PLCG2: variants seen among roughly 807,000 people sequenced by gnomAD.
PLCG2 encodes phospholipase C gamma 2.
Under a neutral mutation model 175.6 loss-of-function variants are expected in PLCG2, and 69 were observed. The ratio of observed to expected loss-of-function variants is 0.39; its 90% CI spans 0.32 to 0.48. The LOEUF (loss-of-function observed/expected upper bound fraction) is 0.48. Ranked by LOEUF, PLCG2 falls within the 20% of genes least tolerant of loss-of-function variation. The probability of loss-of-function intolerance (pLI) is 0.91; values close to 1 mark genes in which losing one functional copy is unlikely to be tolerated. For missense variants in PLCG2, 1,798 were observed against 1,650.9 expected, an observed-to-expected ratio of 1.09 and a Z score of -1.54; for synonymous variants, 827 against 624.0, an observed-to-expected ratio of 1.33 and a Z score of -4.85.
rs564359315 is a variant in PLCG2 at position 81,870,172 on chromosome 16, T to C, written c.565-680T>C. On this transcript the variant is annotated intron_variant, in intron 6 of 32. Transcript: ENST00000564138. ...GAAGAGGAGAGAGATGGGAGAAGCA[T>C]TTACCATTGATTGCTACACAGTTGC... Among the ~76,000 whole-genome samples the C allele has an allele frequency of 2.0e-5, 3 of 152,306 alleles. No homozygotes were observed. The South Asian group carries it at 6.2e-4, about 32-fold the overall frequency.
chr16:81,740,278 C>T (rs965145632), intron 1 of PLCG2: 41 of 152,268 alleles, frequency 2.7e-4, no homozygotes, highest in African/African-American at 9.6e-4. Context: ...TTCAGTGGGG[C>T]TGTCGACCAC....
intron 2 of PLCG2, among the ~76,000 whole-genome samples, chr16:81,822,852 G>A (rs1904866418): frequency 6.6e-6 from 1 of 151,266 alleles, no homozygotes. Flanking sequence ...GGAATGATGT[G>A]CTTCAAAGGC....
At chr16:81,819,131 G>C (rs1282417435) in intron 2 of PLCG2, among the ~76,000 whole-genome samples, 1 of 152,052 alleles carries the variant, frequency 6.6e-6, no homozygotes, top group East Asian at 1.9e-4. Context: ...TGGTCGGCCT[G>C]ACTGTGGGGT....
chr16:81,808,773 G>A (rs1165581836), intron 2 of PLCG2, among the ~76,000 whole-genome samples: 1 of 152,180 alleles, frequency 6.6e-6, no homozygotes, highest in Non-Finnish European at 1.5e-5. Context: ...GATTACAGGC[G>A]TGAGCCACCT....
rs74032904 is a variant in PLCG2 at position 81,905,566 on chromosome 16, G to A, written c.1467+59G>A. On this transcript the variant is annotated intron_variant, in intron 15 of 32. Transcript: ENST00000564138. ...CCACGCCCCTTGCAGCTGCTTCTTG[G>A]AGCCCTGCTGGGAGCTCTGAGAATA... is the stretch of plus-strand genomic sequence containing the variant. The A allele has an allele frequency of 4.2e-3, 4,589 of 1,105,656 alleles. 48 individuals carry two copies. Among genetic ancestry groups the A allele is most frequent in the African/African-American group, 0.019 (1,240 of 65,548 alleles). The allele number at this position is 1,105,656 out of a possible 1,614,324, so 68.5% of individuals were successfully genotyped here. A position where few individuals can be genotyped will look rare whatever the true frequency, so the allele number is the denominator to read the frequency against.
intron 2 of PLCG2, among the ~76,000 whole-genome samples, chr16:81,836,009 A>C (rs968427349): frequency 6.6e-6 from 1 of 152,178 alleles, no homozygotes; most frequent in African/African-American, 2.4e-5. Context: ...ATTTCCAAAG[A>C]AGGCCACATT....
chr16:81,889,730 C>G (rs1005867195), intron 10 of PLCG2, among the ~76,000 whole-genome samples: 1 of 152,156 alleles, frequency 6.6e-6, no homozygotes, highest in African/African-American at 2.4e-5. Context: ...TCTCACCTCA[C>G]TGCAACCTCC....
chr16:81,907,151 C>A (rs1455591189), intron 15 of PLCG2, among the ~76,000 whole-genome samples: 1 of 150,422 alleles, frequency 6.6e-6, no homozygotes, highest in Non-Finnish European at 1.5e-5. Context: ...TAAAAAAATA[C>A]AAATAAAAAC....
intron 9 of PLCG2, 138 bp downstream of exon 9, chr16:81,883,479 C>T (rs1033229037): frequency 4.5e-6 from 3 of 662,206 alleles, no homozygotes; most frequent in African/African-American, 1.8e-5. Context: ...CACCTGTCTT[C>T]ATGGAACGAT....
At chr16:81,941,222 G>A (rs940183667) in intron 30 of PLCG2, among the ~76,000 whole-genome samples, 6 of 152,154 alleles carry the variant, frequency 3.9e-5, no homozygotes, top group African/African-American at 1.4e-4. Flanking sequence ...TGAGCAGCAG[G>A]CATGCTAGAA....
chr16:81,755,264 G>A (rs961663989), intron 1 of PLCG2, among the ~76,000 whole-genome samples: 13 of 151,884 alleles, frequency 8.6e-5, no homozygotes, highest in African/African-American at 1.9e-4. Context: ...TGCCGTCATC[G>A]TGGCTCACTG....
intron 7 of PLCG2, among the ~76,000 whole-genome samples, chr16:81,871,158 T>A (rs1172802751): frequency 6.6e-6 from 1 of 152,214 alleles, no homozygotes; most frequent in Non-Finnish European, 1.5e-5. Context: ...GGTGTTCATA[T>A]GCCTTCCTGG....
At position 81,895,508 on chromosome 16, in the gene PLCG2, C is replaced by G; in HGVS notation, c.1073-299C>G. 3 of 300,876 alleles carry G rather than the reference C, an allele frequency of 1.0e-5. No homozygotes were observed. The South Asian group carries it at 1.4e-4, about 14-fold the overall frequency. The allele number at this position is 300,876 out of a possible 1,614,324, so 18.6% of individuals were successfully genotyped here. On this transcript the variant is annotated intron_variant, in intron 12 of 32. Transcript: ENST00000564138. ...CCGGGAGGCGGAGATTGCAATGGGC[C>G]GAGATTGTGCCACTGCACTCCAGCC... is the stretch of plus-strand genomic sequence containing the variant.
At chr16:81,745,097 T>A (rs1470435436) in intron 1 of PLCG2, among the ~76,000 whole-genome samples, 1 of 152,228 alleles carries the variant, frequency 6.6e-6, no homozygotes, top group Non-Finnish European at 1.5e-5. Flanking sequence ...TGGTTGTAAA[T>A]GACCTCCAGC....
chr16:81,765,384 A>T (rs1372731391), intron 2 of PLCG2, among the ~76,000 whole-genome samples: 5 of 152,238 alleles, frequency 3.3e-5, no homozygotes, highest in Non-Finnish European at 7.3e-5. Flanking sequence ...TAATTCCAGC[A>T]CTTTGGGAGG....
rs1270500675 is a variant in PLCG2, at chr16:81,894,667, G to A, written c.1072+873G>A. 2.6e-5 allele frequency among the ~76,000 whole-genome samples: 4 copies of A among 152,134 alleles called. No individual in the cohort carries two copies. The East Asian group carries it at 5.8e-4, about 22-fold the overall frequency. The stretch of plus-strand genomic sequence containing the variant: ...GTGGGCGGATCACTTGAGATCAGGA[G>A]CTTGAGATCAGTCTGGCCAACATGG... On this transcript the variant is annotated intron_variant, in intron 12 of 32. Coordinates refer to ENST00000564138, the MANE Select transcript of PLCG2 (RefSeq NM_002661.5).
intron 2 of PLCG2, 74 bp from the exon 3 acceptor site, chr16:81,854,370 C>G: frequency 2.8e-5 from 39 of 1,372,956 alleles, no homozygotes; most frequent in Non-Finnish European, 4.0e-5. Context: ...TGTGCCTGGG[C>G]TGCAGTTGTG....
intron 15 of PLCG2, among the ~76,000 whole-genome samples, chr16:81,907,480 C>T (rs72823102): frequency 3.3e-5 from 5 of 152,208 alleles, no homozygotes; most frequent in Admixed American, 3.3e-4. Context: ...AGCTCAAATA[C>T]CAAAAGAAGC....
rs139565830 is a variant in PLCG2, at chr16:81,907,780, G to C, written c.1557+6G>C. 634 of 1,609,480 alleles carry C rather than the reference G, an allele frequency of 3.9e-4. No homozygotes were observed. The African/African-American group carries it at 7.1e-3, about 18-fold the overall frequency. ...TGGAGGAGGAAGTGCCCCAGGTAGGGGGACACCCTAGCCACATAGGGAGGA... is the reference window on the plus strand; with the variant it reads ...TGGAGGAGGAAGTGCCCCAGGTAGGCGGACACCCTAGCCACATAGGGAGGA... On this transcript the variant is annotated splice_donor_region_variant and intron_variant, in intron 16 of 32. Coordinates refer to ENST00000564138, the MANE Select transcript of PLCG2 (RefSeq NM_002661.5).
Sources: allele counts gnomAD v4.1 joint callset (sites outside exome capture counted in the v4.1 genomes callset), GRCh38; gene constraint gnomAD v4.1.1; transcripts MANE v1.5; gene names NCBI Gene and HGNC (gene_info 2026-07-23, HGNC 2026-07-21).